Variants in PPFIA2 observed in about 807,000 individuals in gnomAD.
The protein encoded by PPFIA2 is PPFI scaffold protein A2.
Under a neutral mutation model 175.5 loss-of-function variants are expected in PPFIA2, and 46 were observed. That is an observed-to-expected ratio of 0.26 (90% CI 0.21 to 0.34). The LOEUF (loss-of-function observed/expected upper bound fraction) is 0.34. Among genes scored for constraint, PPFIA2 ranks in the 10% least tolerant of loss-of-function variants. The pLI is 1.00. For synonymous variants in PPFIA2, 568 were observed against 511.4 expected (o/e 1.11, Z -1.49); for missense variants, 1,179 against 1,506.1 (o/e 0.78, Z 3.60).
intron 4 of PPFIA2, among the ~76,000 whole-genome samples, chr12:81,615,450 A>C (rs1401449330): frequency 6.6e-6 from 1 of 152,168 alleles, no homozygotes; most frequent in Non-Finnish European, 1.5e-5. Context: ...CAAATAGAGA[A>C]ATGGTCCAAG....
intron 2 of PPFIA2, among the ~76,000 whole-genome samples, chr12:81,756,990 GA>G (rs759424860): frequency 3.3e-5 from 5 of 151,786 alleles, no homozygotes; most frequent in African/African-American, 1.2e-4. Context: ...ATCAAAATTA[GA>G]AAAAAATAGT....
chr12:81,633,945 A>G (rs1188150392), intron 4 of PPFIA2, among the ~76,000 whole-genome samples: 1 of 152,116 alleles, frequency 6.6e-6, no homozygotes, highest in African/African-American at 2.4e-5. Flanking sequence ...ACTCTGTCAG[A>G]CAATGCTTTG....
At chr12:81,259,716 T>C in intron 32 of PPFIA2, 56 bp from the exon 33 acceptor site, 1 of 1,456,684 alleles carries the variant, frequency 6.9e-7, no homozygotes, top group Non-Finnish European at 9.3e-7. Flanking sequence ...CTGGGAAATC[T>C]CATTCTACTC....
chr12:81,599,914 G>T (rs1159049393), intron 4 of PPFIA2, among the ~76,000 whole-genome samples: 1 of 151,864 alleles, frequency 6.6e-6, no homozygotes, highest in Admixed American at 6.6e-5. Flanking sequence ...GGCTATGAAT[G>T]GATAAGCATA....
intron 3 of PPFIA2, among the ~76,000 whole-genome samples, chr12:81,741,352 G>T (rs903195409): frequency 4.0e-5 from 6 of 151,714 alleles, no homozygotes; most frequent in African/African-American, 1.5e-4. Flanking sequence ...TTTTTTTTAT[G>T]ATTGCATGAT....
chr12:81,591,569 T>C (rs1286023517), intron 4 of PPFIA2, among the ~76,000 whole-genome samples: 1 of 152,094 alleles, frequency 6.6e-6, no homozygotes, highest in Non-Finnish European at 1.5e-5. Flanking sequence ...CCAGGGTCCT[T>C]CTGCTATGTA....
At chr12:81,687,935 C>T (rs2153583395) in intron 3 of PPFIA2, among the ~76,000 whole-genome samples, 1 of 151,774 alleles carries the variant, frequency 6.6e-6, no homozygotes, top group African/African-American at 2.4e-5. Context: ...TATGTTAAAA[C>T]AGATAAGCAT....
At chr12:81,662,434 C>T (rs2153549801) in intron 4 of PPFIA2, among the ~76,000 whole-genome samples, 1 of 152,136 alleles carries the variant, frequency 6.6e-6, no homozygotes, top group South Asian at 2.1e-4. Flanking sequence ...TCTATGCAAA[C>T]AAACTAGAAA....
intron 4 of PPFIA2, among the ~76,000 whole-genome samples, chr12:81,466,390 C>G (rs555614169): frequency 2.6e-5 from 4 of 152,172 alleles, no homozygotes; most frequent in African/African-American, 9.6e-5. Context: ...TACTTGGATA[C>G]TTAGTAACTT....
intron 3 of PPFIA2, among the ~76,000 whole-genome samples, chr12:81,728,844 A>C (rs1258504089): frequency 2.0e-5 from 3 of 151,480 alleles, no homozygotes; most frequent in African/African-American, 4.8e-5. Flanking sequence ...CTATTTAACA[A>C]AATTCAGCAA....
chr12:81,301,826 T>G (rs2047926871), intron 22 of PPFIA2, among the ~76,000 whole-genome samples: 2 of 152,196 alleles, frequency 1.3e-5, no homozygotes, highest in Non-Finnish European at 2.9e-5. Flanking sequence ...AAATGTCACC[T>G]GTTCTCTGAA....
intron 4 of PPFIA2, among the ~76,000 whole-genome samples, chr12:81,610,663 T>G (rs1005558560): frequency 6.6e-6 from 1 of 152,202 alleles, no homozygotes; most frequent in Non-Finnish European, 1.5e-5. Flanking sequence ...TTTGGATGGG[T>G]TTACTTTATC....
intron 27 of PPFIA2, chr12:81,279,284 TGA>T (rs574686227): frequency 1.9e-4 from 29 of 152,276 alleles, no homozygotes; most frequent in Admixed American, 1.5e-3. Context: ...TCCTTGATCT[TGA>T]ACTTCTAGCC....
intron 4 of PPFIA2, among the ~76,000 whole-genome samples, chr12:81,662,767 C>A (rs935731533): frequency 4.6e-5 from 7 of 152,132 alleles, no homozygotes; most frequent in African/African-American, 1.7e-4. Flanking sequence ...AATTTTCAAC[C>A]AATATCCCTG....
At chr12:81,596,263 T>A (rs1022930441) in intron 4 of PPFIA2, among the ~76,000 whole-genome samples, 1 of 151,628 alleles carries the variant, frequency 6.6e-6, no homozygotes, top group African/African-American at 2.4e-5. Context: ...TACCTTAATC[T>A]TTGTGCTTTA....
At chr12:81,494,177 T>C (rs564019591) in intron 4 of PPFIA2, among the ~76,000 whole-genome samples, 2 of 150,958 alleles carry the variant, frequency 1.3e-5, no homozygotes, top group Admixed American at 1.3e-4. Flanking sequence ...TGGGAAAAAA[T>C]TTTCGCAACC....
At chr12:81,677,971 T>G (rs1237736600) in intron 3 of PPFIA2, among the ~76,000 whole-genome samples, 2 of 151,850 alleles carry the variant, frequency 1.3e-5, no homozygotes, top group Non-Finnish European at 2.9e-5. Flanking sequence ...TCACCCAGGT[T>G]TTTAGTGTTT....
chr12:81,533,735 C>A (rs74348979), intron 4 of PPFIA2, among the ~76,000 whole-genome samples: 825 of 73,572 alleles, frequency 0.011, no homozygotes, highest in South Asian at 0.027. Flanking sequence ...ATCTATCTAT[C>A]TATATATCTA....
At chr12:81,685,722 C>A (rs2074340947) in intron 3 of PPFIA2, among the ~76,000 whole-genome samples, 1 of 151,970 alleles carries the variant, frequency 6.6e-6, no homozygotes. Flanking sequence ...TTATAACAGA[C>A]AGGGGTTGTG....
Sources: allele counts gnomAD v4.1 joint callset (sites outside exome capture counted in the v4.1 genomes callset), GRCh38; gene constraint gnomAD v4.1.1; transcripts MANE v1.5; gene names NCBI Gene and HGNC (gene_info 2026-07-23, HGNC 2026-07-21).